PCDH11X: variants seen among roughly 807,000 people sequenced by gnomAD.
PCDH11X encodes protocadherin-11 X-linked.
Under a neutral mutation model 53.3 loss-of-function variants are expected in PCDH11X, and 18 were observed. The ratio of observed to expected loss-of-function variants is 0.34; its 90% confidence interval spans 0.23 to 0.50. The LOEUF is 0.50. Ranked by LOEUF, PCDH11X falls within the 20% of genes least tolerant of loss-of-function variation. The pLI, the probability that PCDH11X is intolerant of heterozygous loss-of-function variation, is 0.98. For missense variants in PCDH11X, 570 were observed against 1,032.4 expected (o/e 0.55, Z 6.14); for synonymous variants, 279 against 393.3 (o/e 0.71, Z 3.44).
chrX:92,422,393 T>C (rs1227465314), intron 9 of PCDH11X, among the ~76,000 whole-genome samples: 1 of 110,022 alleles, frequency 9.1e-6, no homozygotes, highest in African/African-American at 3.3e-5. Flanking sequence ...CTCCCAGTTA[T>C]GAGTGAGAAA....
At chrX:91,795,805 C>G (rs1602838636) in intron 1 of PCDH11X, among the ~76,000 whole-genome samples, 1 of 111,641 alleles carries the variant, frequency 9.0e-6, no homozygotes, top group East Asian at 2.8e-4. Context: ...TTATAGTCAT[C>G]TTAATTTTAG....
At chrX:92,520,249 A>G (rs1293789587) in intron 10 of PCDH11X, among the ~76,000 whole-genome samples, 2 of 109,628 alleles carry the variant, frequency 1.8e-5, no homozygotes, top group East Asian at 2.9e-4. Context: ...TGGTTTCCCA[A>G]TGCATATAAA....
intron 6 of PCDH11X, among the ~76,000 whole-genome samples, chrX:92,010,869 C>T (rs1156504849): frequency 9.1e-6 from 1 of 110,373 alleles, no homozygotes; most frequent in Admixed American, 9.7e-5. Context: ...AGTGCTCACT[C>T]TCCTCCTACC....
intron 9 of PCDH11X, among the ~76,000 whole-genome samples, chrX:92,390,302 C>T (rs1437939026): frequency 1.8e-5 from 2 of 108,624 alleles, no homozygotes; most frequent in Non-Finnish European, 1.9e-5. Context: ...GCAAGAAGCG[C>T]AATAATTTAC....
intron 6 of PCDH11X, among the ~76,000 whole-genome samples, chrX:92,170,804 T>G (rs1216318042): frequency 9.9e-6 from 1 of 101,192 alleles, no homozygotes; most frequent in African/African-American, 3.6e-5. Flanking sequence ...TTTGTTTTTT[T>G]TTTTGAGATG....
chrX:91,824,873 T>C (rs1428027499), intron 4 of PCDH11X, among the ~76,000 whole-genome samples: 1 of 107,653 alleles, frequency 9.3e-6, no homozygotes, highest in Non-Finnish European at 1.9e-5. Context: ...TCCTTTCTGT[T>C]TGTTAGTTTT....
intron 5 of PCDH11X, among the ~76,000 whole-genome samples, chrX:91,838,509 G>A (rs187884527): frequency 2.7e-4 from 30 of 111,365 alleles, no homozygotes; most frequent in African/African-American, 9.1e-4. Context: ...TGACATGGGC[G>A]ACTTTAACTG....
chrX:91,806,727 C>CA (rs1466794911), intron 1 of PCDH11X, among the ~76,000 whole-genome samples: 48 of 111,948 alleles, frequency 4.3e-4, no homozygotes, highest in African/African-American at 1.5e-3. Context: ...GGAAAAACAA[C>CA]AAAAAAATCT....
At chrX:92,238,544 A>G (rs185531654) in intron 7 of PCDH11X, among the ~76,000 whole-genome samples, 6 of 111,063 alleles carry the variant, frequency 5.4e-5, no homozygotes, top group Non-Finnish European at 9.5e-5. Flanking sequence ...GTTAAATGAG[A>G]TAATATAGGT....
chrX:92,357,941 A>T (rs1253726183), intron 8 of PCDH11X, among the ~76,000 whole-genome samples: 35 of 111,315 alleles, frequency 3.1e-4, no homozygotes, highest in Admixed American at 1.7e-3. Flanking sequence ...TGAATGTAGG[A>T]ATAAAGCAAA....
At chrX:91,829,921 C>G (rs1937053417) in intron 4 of PCDH11X, among the ~76,000 whole-genome samples, 3 of 110,201 alleles carry the variant, frequency 2.7e-5, no homozygotes, top group Non-Finnish European at 5.7e-5. Flanking sequence ...TAATCTGGTA[C>G]TTGTTGACAA....
chrX:92,457,973 T>TA (rs1359265735), intron 9 of PCDH11X, among the ~76,000 whole-genome samples: 1 of 110,305 alleles, frequency 9.1e-6, no homozygotes, highest in Non-Finnish European at 1.9e-5. Flanking sequence ...AGTTTTCTGT[T>TA]ACATATGCTA....
At chrX:91,865,079 G>T (rs1439741488) in intron 5 of PCDH11X, among the ~76,000 whole-genome samples, 1 of 110,356 alleles carries the variant, frequency 9.1e-6, no homozygotes, top group Non-Finnish European at 1.9e-5. Context: ...GCTAATAGAT[G>T]TTCTTCAGTG....
chrX:92,012,199 G>GT lies in PCDH11X; in HGVS notation c.3033+132936dup, dbSNP rs929653501. 9.0e-3 allele frequency among the ~76,000 whole-genome samples: 932 copies of GT among 104,039 alleles called. 13 individuals carry two copies. The highest frequency in any genetic ancestry group is 0.029 in the African/African-American group (849 of 28,781). The allele number at this position is 104,039 out of a possible 115,157, so 90.3% of individuals were successfully genotyped here. ...GATGTGTGTTCATAAAGACCATGTG[G>GT]TTTTTTTTTTGTTTAATGTAGTAAT... On this transcript the variant is annotated intron_variant, in intron 6 of 10. Coordinates refer to ENST00000682573, the MANE Select transcript of PCDH11X (RefSeq NM_032968.5).
intron 6 of PCDH11X, among the ~76,000 whole-genome samples, chrX:92,122,144 G>A (rs1420834526): frequency 9.2e-6 from 1 of 108,857 alleles, no homozygotes; most frequent in Non-Finnish European, 1.9e-5. Context: ...CACCACGCCC[G>A]GCTAATTTTT....
chrX:91,824,231 G>C (rs1936814528), intron 4 of PCDH11X, among the ~76,000 whole-genome samples: 1 of 111,293 alleles, frequency 9.0e-6, no homozygotes, highest in South Asian at 3.8e-4. Context: ...TACCTTGCTA[G>C]ATTGGGGAAG....
At chrX:92,254,854 C>G (rs1166663594) in intron 7 of PCDH11X, among the ~76,000 whole-genome samples, 1 of 108,699 alleles carries the variant, frequency 9.2e-6, no homozygotes, top group Non-Finnish European at 1.9e-5. Context: ...CCTGACCTTT[C>G]TCTCTGGCTG....
chrX:91,901,160 GTAAAT>G (rs1940936805), intron 6 of PCDH11X, among the ~76,000 whole-genome samples: 1 of 110,925 alleles, frequency 9.0e-6, no homozygotes, highest in Non-Finnish European at 1.9e-5. Flanking sequence ...GGTTTGTTGT[GTAAAT>G]TAAATTAGAT....
intron 6 of PCDH11X, among the ~76,000 whole-genome samples, chrX:92,056,937 T>C (rs1296561044): frequency 2.7e-5 from 3 of 109,259 alleles, no homozygotes; most frequent in African/African-American, 6.6e-5. Flanking sequence ...TATTATTATA[T>C]AGGTTTTTAA....
Sources: gnomAD v4.1 joint callset for allele counts (sites outside exome capture counted in the v4.1 genomes callset) on GRCh38, gnomAD v4.1.1 for gene constraint, MANE v1.5 for transcripts, NCBI Gene and HGNC (gene_info 2026-07-23, HGNC 2026-07-21) for gene names.